MGAM2: variants seen among roughly 807,000 people sequenced by gnomAD.
MGAM2 encodes maltase-glucoamylase 2 (putative), also known as probable maltase-glucoamylase 2.
In MGAM2, 98 loss-of-function variants were observed where a neutral mutation model predicts 96.1. The observed-to-expected ratio is 1.02, with a 90% confidence interval of 0.87 to 1.21. The LOEUF (loss-of-function observed/expected upper bound fraction) is 1.21, where lower values mean the gene tolerates loss of function less well. Among genes scored for constraint, MGAM2 ranks in the 50% most tolerant of loss-of-function variants. The pLI, the probability that MGAM2 is intolerant of heterozygous loss-of-function variation, is 0.00. For missense variants in MGAM2, 2,055 were observed against 1,182.4 expected (o/e 1.74, Z -10.82); for synonymous variants, 749 against 414.8 (o/e 1.81, Z -9.79).
chr7:142,135,372 T>C (rs970932620), intron 7 of MGAM2, among the ~76,000 whole-genome samples: 8 of 152,222 alleles, frequency 5.3e-5, no homozygotes, highest in Non-Finnish European at 1.2e-4. Context: ...CTAAATTGTA[T>C]AGTCACAAAT....
At position 142,221,011 on chromosome 7, in the gene MGAM2, C is replaced by T; in HGVS notation, c.6500C>T (p.Thr2167Ile). The change falls in exon 48 of 48, where the codon ACA becomes ATA. Residue 2167 changes from threonine to isoleucine, a missense_variant. Thr to Ile is a moderately conservative substitution (Grantham distance 89). Transcript: ENST00000477922. ...GCTAATATAACTGCTACCTCTCATACAAGTACTGATGATACTGTTCCTAAT... is the reference window on the plus strand; with the variant it reads ...GCTAATATAACTGCTACCTCTCATATAAGTACTGATGATACTGTTCCTAAT... ...NVANITATSH[T>I]STDDTVPNNT... The T allele has an allele frequency of 1.4e-6, 1 of 702,364 alleles. No individual in the cohort carries two copies. The allele number at this position is 702,364 out of a possible 1,614,324, so 43.5% of individuals were successfully genotyped here. A position where few individuals can be genotyped will look rare whatever the true frequency, so the allele number is the denominator to read the frequency against.
At chr7:142,131,390 A>T (rs1431740351) in intron 4 of MGAM2, 128 bp from the exon 5 acceptor site, 1 of 614,492 alleles carries the variant, frequency 1.6e-6, no homozygotes, top group African/African-American at 1.8e-5. Flanking sequence ...GTGAGCCGAG[A>T]TCACGTCTTG....
chr7:142,191,249 A>G (rs1796858892), intron 37 of MGAM2, among the ~76,000 whole-genome samples: 1 of 152,228 alleles, frequency 6.6e-6, no homozygotes, highest in Non-Finnish European at 1.5e-5. Flanking sequence ...TCACTTCCAT[A>G]ACCATGCCTT....
In MGAM2 at chr7:142,123,245, A is replaced by T. The variant is rs149277445; in HGVS notation, c.186+2864A>T. ...TTTCATCTAGAGATTTTTTTTTTAC[A>T]GCACGATTCAAAAAAATTTGCATCA... is the stretch of plus-strand genomic sequence containing the variant. On this transcript the variant is annotated intron_variant, in intron 3 of 47. Transcript: ENST00000477922. Among the ~76,000 whole-genome samples, 713 of 151,080 alleles carry T rather than the reference A, an allele frequency of 4.7e-3. 7 individuals are homozygous for T. The highest frequency in any genetic ancestry group is 0.016 in the African/African-American group (677 of 41,132).
intron 45 of MGAM2, chr7:142,208,300 A>C (rs1797470980): frequency 1.7e-6 from 1 of 572,478 alleles, no homozygotes; most frequent in Admixed American, 2.2e-5. Flanking sequence ...TAGTCTCCAC[A>C]CTTCAGGTAA....
chr7:142,216,787 A>G (rs991257417), intron 46 of MGAM2, among the ~76,000 whole-genome samples: 2 of 152,286 alleles, frequency 1.3e-5, no homozygotes, highest in South Asian at 2.1e-4. Context: ...CATGATGCCA[A>G]TTGAACATGT....
Position 142,221,955 on chromosome 7 carries a change from A to G in MGAM2, c.7444A>G (p.Thr2482Ala). 5.0e-6 allele frequency: 2 copies of G among 399,448 alleles called. No individual in the cohort carries two copies. The highest frequency in any genetic ancestry group is 2.5e-4 in the South Asian group (2 of 7,898). The allele number at this position is 399,448 out of a possible 1,614,324, so 24.7% of individuals were successfully genotyped here. The change falls in exon 48 of 48, where the codon ACA becomes GCA. Residue 2482 changes from threonine (T) to alanine (A), a missense_variant. Transcript: ENST00000477922. ...TGCTACCACAGATACTACAAATATTACAAAATATGCTTTAAATACTACCAC... is the reference window on the plus strand; with the variant it reads ...TGCTACCACAGATACTACAAATATTGCAAAATATGCTTTAAATACTACCAC... ...TSATTDTTNITKYALNTTTPD... is the reference protein window; with the variant it reads ...TSATTDTTNIAKYALNTTTPD...
At chr7:142,208,389 A>G in intron 45 of MGAM2, 184 bp from the exon 46 acceptor site, 1 of 657,172 alleles carries the variant, frequency 1.5e-6, no homozygotes, top group Non-Finnish European at 2.8e-6. Flanking sequence ...TTGCATTTGC[A>G]CATCCCCACA....
At chr7:142,160,382 C>T (rs1795853672) in intron 21 of MGAM2, 124 bp downstream of exon 21, 2 of 563,872 alleles carry the variant, frequency 3.5e-6, no homozygotes, top group Non-Finnish European at 6.3e-6. Context: ...CAGTAATCTT[C>T]CCCCACTCCT....
At chr7:142,124,094 T>TC (rs1794670770) in intron 3 of MGAM2, among the ~76,000 whole-genome samples, 1 of 151,434 alleles carries the variant, frequency 6.6e-6, no homozygotes, top group South Asian at 2.1e-4. Context: ...CACCTCAGCT[T>TC]CCTGAGTAGC....
chr7:142,138,073 G>A (rs1339729353), intron 9 of MGAM2, among the ~76,000 whole-genome samples: 1 of 152,082 alleles, frequency 6.6e-6, no homozygotes, highest in Non-Finnish European at 1.5e-5. Flanking sequence ...AAATTAGCTG[G>A]GCATGGTGGC....
intron 3 of MGAM2, among the ~76,000 whole-genome samples, chr7:142,125,698 C>T (rs1017080977): frequency 3.9e-5 from 6 of 152,156 alleles, no homozygotes; most frequent in Non-Finnish European, 5.9e-5. Context: ...GAAGCACTGA[C>T]TTAAGTTGTA....
chr7:142,215,991 A>G lies in MGAM2; in HGVS notation c.5188-2370A>G, dbSNP rs1400241701. On this transcript the variant is annotated intron_variant, in intron 46 of 47. Coordinates refer to ENST00000477922, the MANE Select transcript of MGAM2 (RefSeq NM_001293626.2). Reference sequence around the variant, plus strand: ...TGTTGCCTACTACCTCTTTTTAGCTAGAGTCTATATTTTTTCTGCTGTTAT... The same window carrying G: ...TGTTGCCTACTACCTCTTTTTAGCTGGAGTCTATATTTTTTCTGCTGTTAT... 5.3e-5 allele frequency among the ~76,000 whole-genome samples: 8 copies of G among 152,094 alleles called. No individual in the cohort carries two copies. In the East Asian group the frequency reaches 1.5e-3, roughly 29 times the overall value.
At chr7:142,117,175 AT>A (rs1817438673) in intron 2 of MGAM2, among the ~76,000 whole-genome samples, 196 bp downstream of exon 2, 1 of 152,174 alleles carries the variant, frequency 6.6e-6, no homozygotes, top group Non-Finnish European at 1.5e-5. Flanking sequence ...TGTTAGTGAC[AT>A]TTAGGGTCTC....
At chr7:142,210,283 C>T (rs541344398) in intron 46 of MGAM2, among the ~76,000 whole-genome samples, 35 of 139,720 alleles carry the variant, frequency 2.5e-4, no homozygotes, top group Middle Eastern at 3.5e-3. Flanking sequence ...GGGCAGATAC[C>T]AAACTAGCTT....
At chr7:142,125,765 T>A (rs908828447) in intron 3 of MGAM2, among the ~76,000 whole-genome samples, 2 of 152,210 alleles carry the variant, frequency 1.3e-5, no homozygotes, top group Non-Finnish European at 2.9e-5. Flanking sequence ...GAAATACTTG[T>A]CAGCACTACG....
At chr7:142,143,536 C>T (rs1357626746) in intron 12 of MGAM2, among the ~76,000 whole-genome samples, 3 of 152,122 alleles carry the variant, frequency 2.0e-5, no homozygotes, top group East Asian at 1.9e-4. Flanking sequence ...TTTTCTTTTG[C>T]ACAGAAAAGG....
chr7:142,215,308 A>C (rs1160386266), intron 46 of MGAM2, among the ~76,000 whole-genome samples: 1 of 152,066 alleles, frequency 6.6e-6, no homozygotes, highest in East Asian at 1.9e-4. Flanking sequence ...TTGGGGGTGG[A>C]GGGCAAGGAG....
intron 44 of MGAM2, among the ~76,000 whole-genome samples, chr7:142,199,585 G>C (rs912008705): frequency 6.6e-6 from 1 of 152,108 alleles, no homozygotes. Context: ...AGCTACTGAG[G>C]ATTCTCTTTT....
Sources: allele counts gnomAD v4.1 joint callset (sites outside exome capture counted in the v4.1 genomes callset), GRCh38; gene constraint gnomAD v4.1.1; transcripts MANE v1.5; gene names NCBI Gene and HGNC (gene_info 2026-07-23, HGNC 2026-07-21).